The following CEP128 variants were observed in gnomAD, a reference collection of about 807,000 sequenced individuals.
CEP128 encodes centrosomal protein 128.
CEP128 carries 132 observed loss-of-function variants against 156.7 expected under a neutral mutation model. That is an observed-to-expected ratio of 0.84 (90% CI 0.73 to 0.97). CEP128 has a LOEUF of 0.97. Among genes scored for constraint, CEP128 ranks in the 50% least tolerant of loss-of-function variants. The pLI is 0.00. For synonymous variants in CEP128, 469 were observed against 448.9 expected (o/e 1.04, Z -0.57); for missense variants, 1,252 against 1,281.9 (o/e 0.98, Z 0.36).
chr14:80,528,348 G>A (rs1271084113), intron 22 of CEP128, among the ~76,000 whole-genome samples: 1 of 152,244 alleles, frequency 6.6e-6, no homozygotes, highest in African/African-American at 2.4e-5. Flanking sequence ...GAGTGCAATG[G>A]CACGATCTCA....
chr14:80,544,422 A>G (rs1458201968), intron 21 of CEP128, among the ~76,000 whole-genome samples: 1 of 152,150 alleles, frequency 6.6e-6, no homozygotes, highest in East Asian at 1.9e-4. Context: ...CCTGCTTCCT[A>G]GCTTATGTAG....
At chr14:80,733,908 T>C (rs1015608700) in intron 19 of CEP128, among the ~76,000 whole-genome samples, 3 of 152,204 alleles carry the variant, frequency 2.0e-5, no homozygotes, top group African/African-American at 7.2e-5. Flanking sequence ...AAATTCAGTC[T>C]GTTAGAGGAC....
intron 16 of CEP128, among the ~76,000 whole-genome samples, chr14:80,762,327 T>C (rs1023593981): frequency 2.6e-5 from 4 of 152,144 alleles, no homozygotes; most frequent in South Asian, 2.1e-4. Flanking sequence ...TGTAATAAAA[T>C]AAAAAAATCA....
rs1352064318 is a variant in CEP128 at position 80,743,273 on chromosome 14, A to C, written c.2614-6T>G. On this transcript the variant is annotated splice_region_variant and splice_polypyrimidine_tract_variant and intron_variant, in intron 18 of 24. Coordinates refer to ENST00000555265, the MANE Select transcript of CEP128 (RefSeq NM_152446.5). ...CAGAGCCACTGAAGTTTAGTCTAAA[A>C]AATAACATTTATATCTAATGGTTAA... is the stretch of plus-strand genomic sequence containing the variant. 1 of 1,598,760 alleles carries C rather than the reference A, an allele frequency of 6.3e-7. No homozygotes were observed. Among genetic ancestry groups the C allele is most frequent in the Admixed American group, 1.7e-5 (1 of 59,652 alleles).
At chr14:80,929,523 T>G (rs981822229) in intron 2 of CEP128, among the ~76,000 whole-genome samples, 8 of 152,202 alleles carry the variant, frequency 5.3e-5, no homozygotes, top group African/African-American at 1.9e-4. Context: ...ATGTATACCA[T>G]GGAATACTAC....
intron 19 of CEP128, among the ~76,000 whole-genome samples, chr14:80,609,662 T>A (rs1566809198): frequency 1.3e-5 from 2 of 152,164 alleles, no homozygotes; most frequent in Non-Finnish European, 2.9e-5. Context: ...TCATTACCAG[T>A]ACACCCTAAC....
chr14:80,592,073 C>A (rs933197369), intron 19 of CEP128, among the ~76,000 whole-genome samples: 2 of 152,064 alleles, frequency 1.3e-5, no homozygotes, highest in African/African-American at 2.4e-5. Flanking sequence ...AAAATTGACA[C>A]CCTAAGATCA....
At chr14:80,585,099 A>G (rs1891761514) in intron 19 of CEP128, among the ~76,000 whole-genome samples, 1 of 152,244 alleles carries the variant, frequency 6.6e-6, no homozygotes, top group Non-Finnish European at 1.5e-5. Context: ...AATTTTTTAA[A>G]TGAGCTGATA....
Position 80,880,692 on chromosome 14 carries a change from T to TA in CEP128, c.645+15025dup, listed in dbSNP as rs372579820. ...TAACACAGTGAAACCCCCTCTCTAC[T>TA]AAAAAAAAAAAATACAAAAAATTAG... On this transcript the variant is annotated intron_variant, in intron 8 of 24. Coordinates refer to ENST00000555265, the MANE Select transcript of CEP128 (RefSeq NM_152446.5). Among the ~76,000 whole-genome samples, 191 of 142,920 alleles carry TA rather than the reference T, an allele frequency of 1.3e-3. 2 individuals carry two copies. The highest frequency in any genetic ancestry group is 3.9e-3 in the African/African-American group (152 of 38,946). 93.8% of individuals were successfully genotyped at this position (142,920 alleles called of 152,430 possible). A position where few individuals can be genotyped will look rare whatever the true frequency, so the allele number is the denominator to read the frequency against.
At chr14:80,595,025 A>C (rs112258975) in intron 19 of CEP128, among the ~76,000 whole-genome samples, 9 of 152,294 alleles carry the variant, frequency 5.9e-5, no homozygotes, top group African/African-American at 2.2e-4. Context: ...ACATGCACAC[A>C]TGTGTTTATT....
intron 19 of CEP128, among the ~76,000 whole-genome samples, chr14:80,694,862 C>T (rs1000593256): frequency 6.6e-6 from 1 of 151,300 alleles, no homozygotes; most frequent in African/African-American, 2.4e-5. Context: ...CACACGTATA[C>T]CTATGTAACA....
At chr14:80,870,788 G>A (rs1288594043) in intron 8 of CEP128, among the ~76,000 whole-genome samples, 3 of 151,712 alleles carry the variant, frequency 2.0e-5, no homozygotes, top group Non-Finnish European at 4.4e-5. Flanking sequence ...TCTAGATGAG[G>A]AAGGAAGAAG....
At chr14:80,580,492 C>T (rs564482547) in intron 19 of CEP128, 69 bp from the exon 20 acceptor site, 1 of 871,018 alleles carries the variant, frequency 1.1e-6, no homozygotes, top group Non-Finnish European at 1.9e-6. Flanking sequence ...TCATCAAATG[C>T]AATTCAGCCA....
chr14:80,837,619 G>A (rs1233210487), intron 11 of CEP128, among the ~76,000 whole-genome samples: 1 of 152,200 alleles, frequency 6.6e-6, no homozygotes, highest in East Asian at 1.9e-4. Flanking sequence ...GGGAGGCTGA[G>A]GCAGGAGAAT....
chr14:80,889,453 G>A (rs1235249088), intron 8 of CEP128, among the ~76,000 whole-genome samples: 1 of 152,154 alleles, frequency 6.6e-6, no homozygotes, highest in Non-Finnish European at 1.5e-5. Context: ...GAACAGAACA[G>A]AGGCTGCAGG....
intron 17 of CEP128, among the ~76,000 whole-genome samples, chr14:80,758,972 C>T (rs954245904): frequency 2.0e-5 from 3 of 152,174 alleles, no homozygotes; most frequent in African/African-American, 4.8e-5. Context: ...CAAAGCCCAT[C>T]GTCTTCATGC....
chr14:80,915,127 C>A (rs1319923289), intron 3 of CEP128, among the ~76,000 whole-genome samples: 1 of 152,172 alleles, frequency 6.6e-6, no homozygotes, highest in African/African-American at 2.4e-5. Flanking sequence ...TCATGGCTCA[C>A]TGCAGCCTCA....
At chr14:80,581,130 C>T (rs1891574477) in intron 19 of CEP128, among the ~76,000 whole-genome samples, 2 of 152,276 alleles carry the variant, frequency 1.3e-5, no homozygotes, top group Non-Finnish European at 2.9e-5. Context: ...AATTTATGAA[C>T]TTGCTATTAA....
At chr14:80,784,791 G>A in intron 15 of CEP128, 104 bp downstream of exon 15, 1 of 1,011,706 alleles carries the variant, frequency 9.9e-7, no homozygotes, top group South Asian at 1.6e-5. Flanking sequence ...CTTCCCTTCA[G>A]TGCTTGGGAA....
Sources: allele counts gnomAD v4.1 joint callset (sites outside exome capture counted in the v4.1 genomes callset), GRCh38; gene constraint gnomAD v4.1.1; transcripts MANE v1.5; gene names NCBI Gene and HGNC (gene_info 2026-07-23, HGNC 2026-07-21).